The following PHF20L1 variants were observed in gnomAD, a reference collection of about 807,000 sequenced individuals.
PHF20L1 encodes the protein PHD finger protein 20 like 1, also known as PHD finger protein 20-like protein 1.
Under a neutral mutation model 125.5 loss-of-function variants are expected in PHF20L1, and 44 were observed. The ratio of observed to expected loss-of-function variants is 0.35; its 90% confidence interval spans 0.28 to 0.45. The LOEUF (loss-of-function observed/expected upper bound fraction) is 0.45. Among genes scored for constraint, PHF20L1 ranks in the 20% least tolerant of loss-of-function variants. The probability of loss-of-function intolerance (pLI) is 1.00; values close to 1 mark genes in which losing one functional copy is unlikely to be tolerated. For synonymous variants in PHF20L1, 380 were observed against 403.1 expected (o/e 0.94, Z 0.69); for missense variants, 1,012 against 1,217.2 (o/e 0.83, Z 2.51).
chr8:132,836,407 T>C (rs2131882814), intron 15 of PHF20L1, 133 bp from the exon 16 acceptor site: 1 of 624,018 alleles, frequency 1.6e-6, no homozygotes, highest in Non-Finnish European at 2.8e-6. Context: ...TACAGTACAG[T>C]ATTCTTATTT....
At chr8:132,809,723 A>G (rs1391549188) in intron 8 of PHF20L1, 1 of 151,766 alleles carries the variant, frequency 6.6e-6, no homozygotes, top group African/African-American at 2.4e-5. Context: ...TGTGTGGCCA[A>G]CTTTGAAATA....
chr8:132,802,072 C>G (rs1174040569), intron 6 of PHF20L1, among the ~76,000 whole-genome samples: 1 of 151,308 alleles, frequency 6.6e-6, no homozygotes, highest in Non-Finnish European at 1.5e-5. Flanking sequence ...GCATATAACA[C>G]TTTCCTTTTG....
intron 16 of PHF20L1, 47 bp from the exon 17 acceptor site, chr8:132,837,665 T>C: frequency 6.9e-7 from 1 of 1,442,986 alleles, no homozygotes; most frequent in South Asian, 1.1e-5. Context: ...TCCTAGCTTA[T>C]TCCTAGTGAG....
At chr8:132,776,344 C>A (rs1829761037) in intron 1 of PHF20L1, among the ~76,000 whole-genome samples, 1 of 152,172 alleles carries the variant, frequency 6.6e-6, no homozygotes, top group African/African-American at 2.4e-5. Flanking sequence ...TGAACTATCC[C>A]TTACTGAATT....
At chr8:132,816,164 G>C (rs1834959513) in intron 10 of PHF20L1, 1 of 151,762 alleles carries the variant, frequency 6.6e-6, no homozygotes, top group Admixed American at 6.6e-5. Context: ...GTAGAAAGAA[G>C]ATATCTAAAA....
intron 2 of PHF20L1, among the ~76,000 whole-genome samples, chr8:132,783,261 C>G (rs570677313): frequency 6.6e-6 from 1 of 152,248 alleles, no homozygotes; most frequent in South Asian, 2.1e-4. Flanking sequence ...GTGGAGATAT[C>G]TCCAAGTATC....
intron 2 of PHF20L1, among the ~76,000 whole-genome samples, chr8:132,793,515 A>G (rs572369787): frequency 2.6e-5 from 4 of 152,298 alleles, no homozygotes; most frequent in African/African-American, 9.6e-5. Flanking sequence ...ATATGGGATA[A>G]ACTATATGGC....
At chr8:132,827,229 G>A (rs563123977) in intron 14 of PHF20L1, among the ~76,000 whole-genome samples, 8 of 151,712 alleles carry the variant, frequency 5.3e-5, no homozygotes, top group Admixed American at 3.3e-4. Context: ...AGGAAACTCC[G>A]GAGTTTGGTA....
chr8:132,794,666 G>A (rs1026532406), intron 3 of PHF20L1, 67 bp from the exon 4 acceptor site: 1 of 1,491,790 alleles, frequency 6.7e-7, no homozygotes, highest in Non-Finnish European at 9.3e-7. Context: ...TTATACAAAA[G>A]CCTGTTTTTG....
chr8:132,803,838 AAGC>A lies in PHF20L1; in HGVS notation c.531_533del (p.Ala183del), dbSNP rs1833375615. On this transcript the variant is annotated inframe_deletion, in exon 7 of 21. Coordinates refer to ENST00000395386, the MANE Select transcript of PHF20L1 (RefSeq NM_016018.5). ...TTGGAGGATTGGATAGCTTTAGTCA[AAGC>A]AGCTGCTGCAGCTGCAGCCAAGAAC... is the stretch of plus-strand genomic sequence containing the variant. 1.2e-6 allele frequency: 2 copies of A among 1,601,964 alleles called. No homozygotes were observed. Among genetic ancestry groups the A allele is most frequent in the East Asian group, 4.5e-5 (2 of 44,240 alleles).
intron 18 of PHF20L1, among the ~76,000 whole-genome samples, chr8:132,841,002 A>G (rs1364202965): frequency 1.3e-5 from 2 of 152,106 alleles, no homozygotes; most frequent in Admixed American, 6.6e-5. Context: ...TTAAAAGGCC[A>G]TGTAAGTGCT....
intron 2 of PHF20L1, among the ~76,000 whole-genome samples, chr8:132,786,246 A>T (rs1377262984): frequency 6.6e-6 from 1 of 152,080 alleles, no homozygotes. Flanking sequence ...TCTTTACTCC[A>T]ATTATTTAAT....
At chr8:132,779,193 G>T (rs1006172176) in intron 2 of PHF20L1, among the ~76,000 whole-genome samples, 1 of 152,198 alleles carries the variant, frequency 6.6e-6, no homozygotes, top group Admixed American at 6.5e-5. Context: ...ACTAGGTGAA[G>T]AATGTACATG....
intron 15 of PHF20L1, among the ~76,000 whole-genome samples, chr8:132,834,830 T>C (rs1237080114): frequency 6.6e-6 from 1 of 152,034 alleles, no homozygotes; most frequent in East Asian, 1.9e-4. Context: ...ATTTACTAGC[T>C]CCATGAATAT....
intron 14 of PHF20L1, among the ~76,000 whole-genome samples, chr8:132,827,698 C>G (rs1042829177): frequency 6.6e-6 from 1 of 152,076 alleles, no homozygotes; most frequent in South Asian, 2.1e-4. Context: ...AAAACCTCAC[C>G]TTAGAATTGT....
chr8:132,815,803 T>A (rs1448277164), intron 10 of PHF20L1: 1 of 151,840 alleles, frequency 6.6e-6, no homozygotes, highest in South Asian at 2.1e-4. Flanking sequence ...TTTTAATAGG[T>A]GGAAAGAATG....
chr8:132,844,459 T>A, intron 20 of PHF20L1, 141 bp downstream of exon 20: 1 of 629,382 alleles, frequency 1.6e-6, no homozygotes, highest in South Asian at 2.1e-5. Flanking sequence ...CCCTTTGTAT[T>A]GTATTTAACA....
In PHF20L1 at chr8:132,775,514, C is replaced by T. The variant is rs1033177409; in HGVS notation, c.-169C>T. On this transcript the variant is annotated 5_prime_UTR_variant, in exon 1 of 21. Transcript: ENST00000395386. ...CGGATCCGGCGCTGCGGCCCCAGCTCGCTCCGCTCCTGCTCCCTCCCCGGC... is the reference window on the plus strand; with the variant it reads ...CGGATCCGGCGCTGCGGCCCCAGCTTGCTCCGCTCCTGCTCCCTCCCCGGC... The T allele has an allele frequency of 5.3e-6, 2 of 375,456 alleles. No homozygotes were observed. Among genetic ancestry groups the T allele is most frequent in the East Asian group, 7.7e-5 (2 of 25,954 alleles). 23.3% of individuals were successfully genotyped at this position (375,456 alleles called of 1,614,324 possible). A position where few individuals can be genotyped will look rare whatever the true frequency, so the allele number is the denominator to read the frequency against.
intron 18 of PHF20L1, among the ~76,000 whole-genome samples, chr8:132,839,939 G>C (rs548152908): frequency 6.6e-6 from 1 of 152,212 alleles, no homozygotes; most frequent in Non-Finnish European, 1.5e-5. Context: ...AAATGAAATA[G>C]ATTCTAAGCA....
Sources: allele counts gnomAD v4.1 joint callset (sites outside exome capture counted in the v4.1 genomes callset), GRCh38; gene constraint gnomAD v4.1.1; transcripts MANE v1.5; gene names NCBI Gene and HGNC (gene_info 2026-07-23, HGNC 2026-07-21).